Variants in CEP128 observed in about 807,000 individuals in gnomAD.
The protein encoded by CEP128 is centrosomal protein 128kDa.
CEP128 carries 132 observed loss-of-function variants against 156.7 expected under a neutral mutation model. That is an observed-to-expected ratio of 0.84 (90% CI 0.73 to 0.97). The LOEUF (loss-of-function observed/expected upper bound fraction) is 0.97, where lower values mean the gene tolerates loss of function less well. CEP128 is among the 50% of genes least tolerant of loss of function. CEP128 has a pLI of 0.00. For missense variants in CEP128, 1,252 were observed against 1,281.9 expected, an observed-to-expected ratio of 0.98 and a Z score of 0.36; for synonymous variants, 469 against 448.9, an observed-to-expected ratio of 1.04 and a Z score of -0.57.
At chr14:80,843,321 G>A (rs566364560) in intron 9 of CEP128, among the ~76,000 whole-genome samples, 127 of 152,052 alleles carry the variant, frequency 8.4e-4, no homozygotes, top group African/African-American at 2.6e-3. Context: ...TGAAATTTCC[G>A]GAGAAAAATT....
chr14:80,778,091 C>A (rs1481861719), intron 15 of CEP128, 45 bp from the exon 16 acceptor site: 3 of 1,475,118 alleles, frequency 2.0e-6, no homozygotes, highest in Non-Finnish European at 1.9e-6. Context: ...CTAGCCATAG[C>A]CAAAATACAC....
At chr14:80,613,007 ATTTT>A (rs66946967) in intron 19 of CEP128, among the ~76,000 whole-genome samples, 45 of 114,694 alleles carry the variant, frequency 3.9e-4, no homozygotes, top group African/African-American at 1.1e-3. Flanking sequence ...CACCCGGCGA[ATTTT>A]TTTTTTTTTT....
intron 19 of CEP128, among the ~76,000 whole-genome samples, chr14:80,642,822 C>T (rs1894476969): frequency 6.6e-6 from 1 of 151,946 alleles, no homozygotes; most frequent in South Asian, 2.1e-4. Flanking sequence ...GCGGCGCGAC[C>T]TCAGCTCACT....
chr14:80,826,362 T>C (rs1885480931), intron 13 of CEP128, among the ~76,000 whole-genome samples: 1 of 152,172 alleles, frequency 6.6e-6, no homozygotes. Context: ...TTTTACAATA[T>C]GCACTTAGAT....
intron 19 of CEP128, among the ~76,000 whole-genome samples, chr14:80,634,199 T>C (rs1015329158): frequency 6.6e-6 from 1 of 152,234 alleles, no homozygotes; most frequent in Admixed American, 6.5e-5. Flanking sequence ...ACTTGTTAGA[T>C]TGCTTTCAGA....
intron 8 of CEP128, among the ~76,000 whole-genome samples, chr14:80,878,812 G>A (rs938202073): frequency 1.3e-5 from 2 of 152,090 alleles, no homozygotes; most frequent in Non-Finnish European, 2.9e-5. Context: ...CAAGTCCCAG[G>A]TGCTACAAGT....
intron 9 of CEP128, among the ~76,000 whole-genome samples, chr14:80,844,493 C>G (rs1268187844): frequency 6.6e-6 from 1 of 152,002 alleles, no homozygotes; most frequent in Non-Finnish European, 1.5e-5. Flanking sequence ...GGGAGAAATT[C>G]AAAAAACTTG....
At chr14:80,569,394 T>A (rs1219744445) in intron 20 of CEP128, among the ~76,000 whole-genome samples, 1 of 152,214 alleles carries the variant, frequency 6.6e-6, no homozygotes, top group Non-Finnish European at 1.5e-5. Flanking sequence ...TAAGTGATCT[T>A]AAATTCCAAA....
intron 19 of CEP128, among the ~76,000 whole-genome samples, chr14:80,588,107 G>T (rs1891895778): frequency 6.6e-6 from 1 of 151,992 alleles, no homozygotes; most frequent in Admixed American, 6.6e-5. Context: ...CGCTTCTTAG[G>T]CCTTGTAGAT....
In CEP128 at chr14:80,918,688, G is replaced by C. The variant is rs75393173; in HGVS notation, c.-15-2126C>G. 3.7e-3 allele frequency among the ~76,000 whole-genome samples: 566 copies of C among 152,252 alleles called. 5 individuals are homozygous for C. The highest frequency in any genetic ancestry group is 5.6e-3 in the South Asian group (27 of 4,820). ...AACAATTAACAAAAAGTGCTAAAGA[G>C]AGCAGGTGCAGGCCAGAGCCTACAT... On this transcript the variant is annotated intron_variant, in intron 2 of 24. Transcript: ENST00000555265.
chr14:80,665,265 T>C (rs758630938), intron 19 of CEP128, among the ~76,000 whole-genome samples: 2 of 152,118 alleles, frequency 1.3e-5, no homozygotes, highest in South Asian at 2.1e-4. Flanking sequence ...AATTTCCCGA[T>C]AGCACCAATA....
intron 2 of CEP128, among the ~76,000 whole-genome samples, chr14:80,921,809 A>T (rs566809881): frequency 2.6e-5 from 4 of 152,222 alleles, no homozygotes; most frequent in Admixed American, 1.3e-4. Context: ...ACTAAAATAC[A>T]AAAATTAGCT....
At chr14:80,540,834 GT>G (rs1889722628) in intron 21 of CEP128, among the ~76,000 whole-genome samples, 1 of 152,164 alleles carries the variant, frequency 6.6e-6, no homozygotes, top group South Asian at 2.1e-4. Context: ...ATAGAGGTCT[GT>G]GAAAAATTTA....
chr14:80,916,459 C>T lies in CEP128; in HGVS notation c.89G>A (p.Arg30Gln), dbSNP rs750455682. The change falls in exon 3 of 25, where the codon CGA becomes CAA. Residue 30 changes from arginine (R) to glutamine (Q), a missense_variant. Arg to Gln is a conservative substitution (Grantham distance 43). Transcript: ENST00000555265. The stretch of plus-strand genomic sequence containing the variant: ...GGTAACTTCTACTGTAGGAAGACTT[C>T]GAGTTCCCCTGTGCGTTGATCTGGC... The part of the protein sequence containing the change: ...WAARSTHRGT[R>Q]SLPTVEVTEK... 4 of 1,614,040 alleles carry T rather than the reference C, an allele frequency of 2.5e-6. No homozygotes were observed. The highest frequency in any genetic ancestry group is 1.3e-5 in the African/African-American group (1 of 75,024).
In CEP128 at chr14:80,761,433, T is replaced by C. The variant is rs1360275253; in HGVS notation, c.2553+4A>G. 6.3e-7 allele frequency: 1 copy of C among 1,577,134 alleles called. No homozygotes were observed. Among genetic ancestry groups the C allele is most frequent in the Non-Finnish European group, 8.7e-7 (1 of 1,155,334 alleles). On this transcript the variant is annotated splice_donor_region_variant and intron_variant, in intron 17 of 24. Transcript: ENST00000555265. ...TATAAGGTGCAATGAGAATTCATAATTACTTTTAATTTCTCCACTGAGTCC... is the reference window on the plus strand; with the variant it reads ...TATAAGGTGCAATGAGAATTCATAACTACTTTTAATTTCTCCACTGAGTCC...
chr14:80,954,132 T>C (rs925349539), intron 2 of CEP128, among the ~76,000 whole-genome samples: 3 of 152,104 alleles, frequency 2.0e-5, no homozygotes, highest in Non-Finnish European at 1.5e-5. Flanking sequence ...TAGCCGGGCG[T>C]GGTGGCGGGC....
intron 13 of CEP128, among the ~76,000 whole-genome samples, chr14:80,829,184 C>T (rs17111151): frequency 2.6e-5 from 4 of 151,926 alleles, no homozygotes; most frequent in East Asian, 1.9e-4. Flanking sequence ...GAAAATCAGA[C>T]GTGTCACTAA....
At chr14:80,679,465 G>T (rs907641372) in intron 19 of CEP128, among the ~76,000 whole-genome samples, 1 of 152,132 alleles carries the variant, frequency 6.6e-6, no homozygotes, top group Non-Finnish European at 1.5e-5. Flanking sequence ...ACGTGGCTGA[G>T]ATAAGGACTG....
chr14:80,588,037 T>C (rs1891892708), intron 19 of CEP128, among the ~76,000 whole-genome samples: 1 of 152,148 alleles, frequency 6.6e-6, no homozygotes, highest in African/African-American at 2.4e-5. Flanking sequence ...ACCTCTTCTT[T>C]ACAGAAGCTA....
Sources: allele counts gnomAD v4.1 joint callset (sites outside exome capture counted in the v4.1 genomes callset), GRCh38; gene constraint gnomAD v4.1.1; transcripts MANE v1.5; gene names NCBI Gene and HGNC (gene_info 2026-07-23, HGNC 2026-07-21).